KALRN: variants seen among roughly 807,000 people sequenced by gnomAD.
KALRN encodes kalirin.
Under a neutral mutation model 353.7 loss-of-function variants are expected in KALRN, and 70 were observed. The ratio of observed to expected loss-of-function variants is 0.20; its 90% confidence interval spans 0.16 to 0.24. KALRN has a LOEUF of 0.24. KALRN is among the 10% of genes least tolerant of loss of function. The pLI is 1.00. For missense variants in KALRN, 2,791 were observed against 3,756.7 expected (o/e 0.74, Z 6.72); for synonymous variants, 1,391 against 1,434.8 (o/e 0.97, Z 0.69).
chr3:124,069,353 G>T (rs62263749), intron 1 of KALRN, among the ~76,000 whole-genome samples: 1 of 75,490 alleles, frequency 1.3e-5, no homozygotes, highest in South Asian at 4.6e-4. Flanking sequence ...GGAGGAGGAG[G>T]AGGAGGAGGA....
intron 10 of KALRN, among the ~76,000 whole-genome samples, chr3:124,372,822 G>C (rs185473914): frequency 1.5e-4 from 23 of 152,094 alleles, no homozygotes; most frequent in African/African-American, 5.3e-4. Context: ...ACTGTCCTAA[G>C]TTCTGAGCAA....
chr3:124,465,367 ATATT>A (rs1173817698), intron 25 of KALRN, among the ~76,000 whole-genome samples: 2 of 152,140 alleles, frequency 1.3e-5, no homozygotes, highest in Admixed American at 6.5e-5. Context: ...CATTGAGTAA[ATATT>A]TGTTTGGTAG....
At chr3:124,661,646 T>C (rs1304639997) in intron 44 of KALRN, among the ~76,000 whole-genome samples, 1 of 152,150 alleles carries the variant, frequency 6.6e-6, no homozygotes, top group Admixed American at 6.5e-5. Context: ...GTGACTGACA[T>C]GGAGCCCCTG....
chr3:124,550,846 G>A (rs1287837668), intron 33 of KALRN, among the ~76,000 whole-genome samples: 4 of 152,016 alleles, frequency 2.6e-5, no homozygotes, highest in East Asian at 1.9e-4. Context: ...AAAATTAGCC[G>A]GGCGTGGTGG....
intron 1 of KALRN, among the ~76,000 whole-genome samples, chr3:124,121,128 G>C (rs1467187697): frequency 2.0e-5 from 3 of 148,060 alleles, no homozygotes. Flanking sequence ...ATCAGAAATG[G>C]CTACTTAAAA....
chr3:124,050,831 T>TA (rs1051483326), intron 1 of KALRN, among the ~76,000 whole-genome samples: 1 of 152,160 alleles, frequency 6.6e-6, no homozygotes, highest in South Asian at 2.1e-4. Context: ...AGCTGCATAC[T>TA]AAAAAAATCC....
At chr3:124,568,749 A>G (rs567853903) in intron 34 of KALRN, among the ~76,000 whole-genome samples, 1 of 152,342 alleles carries the variant, frequency 6.6e-6, no homozygotes, top group South Asian at 2.1e-4. Context: ...ACAAAAGGAC[A>G]AATACTATAT....
rs373912364 is a variant in KALRN, at chr3:124,058,016, C to CT, written c.73+24205dup. Among the ~76,000 whole-genome samples the CT allele has an allele frequency of 6.6e-3, 1,004 of 152,300 alleles. 1 individual carries two copies. Among genetic ancestry groups the CT allele is most frequent in the Non-Finnish European group, 0.011 (723 of 68,034 alleles). On this transcript the variant is annotated intron_variant, in intron 1 of 59. Transcript: ENST00000682506. ...GAAGGCAAGGAGGAGCAAGTCACCTCTTACATGGATGGCAACAGGCATAGA... is the reference window on the plus strand; with the variant it reads ...GAAGGCAAGGAGGAGCAAGTCACCTCTTTACATGGATGGCAACAGGCATAGA...
At chr3:124,487,524 A>T (rs377360823) in intron 28 of KALRN, among the ~76,000 whole-genome samples, 27 of 152,330 alleles carry the variant, frequency 1.8e-4, no homozygotes, top group African/African-American at 6.5e-4. Flanking sequence ...CCACTGAGTT[A>T]TATAACCTGA....
chr3:124,061,361 G>A (rs2041981442), intron 1 of KALRN, among the ~76,000 whole-genome samples: 1 of 152,148 alleles, frequency 6.6e-6, no homozygotes, highest in African/African-American at 2.4e-5. Flanking sequence ...AGAAAACTGA[G>A]GTTAAATGAG....
At chr3:124,474,213 CAG>C (rs2061218326) in intron 25 of KALRN, among the ~76,000 whole-genome samples, 1 of 152,136 alleles carries the variant, frequency 6.6e-6, no homozygotes, top group South Asian at 2.1e-4. Context: ...TGGTGGAAGA[CAG>C]AGGCCAAAAA....
At chr3:124,582,210 G>A (rs1164912090) in intron 34 of KALRN, among the ~76,000 whole-genome samples, 2 of 152,060 alleles carry the variant, frequency 1.3e-5, no homozygotes, top group Admixed American at 6.6e-5. Flanking sequence ...TAGTAGAGAT[G>A]GGGTTTCACC....
At chr3:124,451,897 T>C (rs1247768901) in intron 21 of KALRN, among the ~76,000 whole-genome samples, 1 of 152,214 alleles carries the variant, frequency 6.6e-6, no homozygotes, top group Non-Finnish European at 1.5e-5. Context: ...CTCTCTGCTT[T>C]CTGTGATTTC....
intron 55 of KALRN, among the ~76,000 whole-genome samples, chr3:124,698,932 A>C (rs2062189903): frequency 6.6e-6 from 1 of 152,214 alleles, no homozygotes; most frequent in Non-Finnish European, 1.5e-5. Flanking sequence ...AATTGTTAAT[A>C]ACACAACTAC....
rs141371914 is a variant in KALRN, at chr3:124,395,156, C to T, written c.1984C>T (p.Leu662Phe). The T allele has an allele frequency of 6.2e-6, 10 of 1,613,232 alleles. No homozygotes were observed. Among genetic ancestry groups the T allele is most frequent in the South Asian group, 1.1e-5 (1 of 91,016 alleles). Residue 662 changes from leucine to phenylalanine, a missense_variant, in exon 12 of 60, where the codon CTT becomes TTT. Transcript: ENST00000682506. The part of the protein sequence containing the change: ...TKELWTWMED[L>F]QKEMLEDVCA... ...ACAGTTGTGGACATGGATGGAAGAC[C>T]TTCAGAAGGAGATGTTGGAGGATGT... is the stretch of plus-strand genomic sequence containing the variant.
intron 33 of KALRN, among the ~76,000 whole-genome samples, chr3:124,533,514 G>A (rs2068239382): frequency 6.6e-6 from 1 of 152,098 alleles, no homozygotes; most frequent in South Asian, 2.1e-4. Flanking sequence ...GCATGGTGGA[G>A]CACACCTGTG....
intron 3 of KALRN, among the ~76,000 whole-genome samples, chr3:124,248,125 G>A (rs902574530): frequency 2.0e-5 from 3 of 152,228 alleles, no homozygotes; most frequent in African/African-American, 7.2e-5. Context: ...CTCTCTGATA[G>A]GTGGTGAACC....
chr3:124,080,675 G>A (rs147797727), intron 1 of KALRN, among the ~76,000 whole-genome samples: 319 of 152,266 alleles, frequency 2.1e-3, no homozygotes, highest in African/African-American at 7.3e-3. Flanking sequence ...ACATGTACAA[G>A]TGCTTCTCTA....
At chr3:124,100,949 G>C (rs1481654618) in intron 1 of KALRN, among the ~76,000 whole-genome samples, 1 of 152,152 alleles carries the variant, frequency 6.6e-6, no homozygotes, top group Non-Finnish European at 1.5e-5. Context: ...CCTTTAACAT[G>C]GATGTCAGAG....
Sources: allele counts gnomAD v4.1 joint callset (sites outside exome capture counted in the v4.1 genomes callset), GRCh38; gene constraint gnomAD v4.1.1; transcripts MANE v1.5; gene names NCBI Gene and HGNC (gene_info 2026-07-23, HGNC 2026-07-21).